DNAH12: variants seen among roughly 807,000 people sequenced by gnomAD.
DNAH12 encodes the protein axonemal beta dynein heavy chain 12.
In DNAH12, 285 loss-of-function variants were observed where a neutral mutation model predicts 371.5. The observed-to-expected ratio is 0.77, with a 90% confidence interval of 0.70 to 0.85. DNAH12 has a LOEUF of 0.85. Ranked by LOEUF, DNAH12 falls within the 40% of genes least tolerant of loss-of-function variation. The pLI, the probability that DNAH12 is intolerant of heterozygous loss-of-function variation, is 0.00. For synonymous variants in DNAH12, 1,200 were observed against 1,213.0 expected, an observed-to-expected ratio of 0.99 and a Z score of 0.22; for missense variants, 3,611 against 3,689.4, an observed-to-expected ratio of 0.98 and a Z score of 0.55.
chr3:57,383,676 CTTTAG>C (rs1247589841), intron 49 of DNAH12, among the ~76,000 whole-genome samples: 2 of 147,114 alleles, frequency 1.4e-5, no homozygotes, highest in African/African-American at 2.5e-5. Context: ...GGGGGGATTA[CTTTAG>C]CCCAAAAGTT....
intron 60 of DNAH12, among the ~76,000 whole-genome samples, chr3:57,349,477 A>G (rs542842774): frequency 1.3e-5 from 2 of 152,326 alleles, no homozygotes; most frequent in East Asian, 3.9e-4. Context: ...GGTATCCCAG[A>G]GGAAAAGAAG....
chr3:57,511,842 A>C (rs544331275), intron 4 of DNAH12, among the ~76,000 whole-genome samples: 17 of 152,302 alleles, frequency 1.1e-4, no homozygotes, highest in African/African-American at 2.9e-4. Flanking sequence ...TTTAATAACT[A>C]TTTCTGGAAC....
rs2062177005 is a variant in DNAH12, at chr3:57,334,481, C to T, written c.9962G>A (p.Cys3321Tyr). The part of the protein sequence containing the change: ...NELQKIIILR[C>Y]LRPDKITPAI... ...GTCTTTTACCTTATCAGGTCTTAAACACCGAAGAATTATTATTTTCTGTAG... is the reference window on the plus strand; with the variant it reads ...GTCTTTTACCTTATCAGGTCTTAAATACCGAAGAATTATTATTTTCTGTAG... The change falls in exon 62 of 74, where the codon TGT becomes TAT. Residue 3321 changes from cysteine (C) to tyrosine (Y), a missense_variant. Cys to Tyr is a radical substitution (Grantham distance 194). This residue lies in a region of DNAH12 where 2,266 missense variants were observed against 2,236.9 expected (regional missense o/e 1.01). Coordinates refer to ENST00000495027, the MANE Select transcript of DNAH12 (RefSeq NM_001366028.2). 1.3e-6 allele frequency: 2 copies of T among 1,548,104 alleles called. No individual in the cohort carries two copies. Among genetic ancestry groups the T allele is most frequent in the Admixed American group, 2.0e-5 (1 of 50,436 alleles).
chr3:57,322,321 A>G, intron 65 of DNAH12, 22 bp downstream of exon 65: 1 of 1,535,316 alleles, frequency 6.5e-7, no homozygotes, highest in African/African-American at 1.4e-5. Flanking sequence ...ACATTTTAAA[A>G]GTTCCAAAAG....
intron 17 of DNAH12, among the ~76,000 whole-genome samples, chr3:57,464,078 T>C (rs1173201226): frequency 1.3e-5 from 2 of 152,084 alleles, no homozygotes; most frequent in Non-Finnish European, 1.5e-5. Flanking sequence ...GTTTCTACCC[T>C]GATAAGAGCA....
At chr3:57,551,731 A>G in the DNAH12 span, among the ~76,000 whole-genome samples, 1 of 152,044 alleles carries the variant, frequency 6.6e-6, no homozygotes, top group South Asian at 2.1e-4. Context: ...TTCTAAAAAG[A>G]TATGTTTTCT....
intron 12 of DNAH12, among the ~76,000 whole-genome samples, chr3:57,484,664 A>G (rs2153384149): frequency 1.3e-5 from 2 of 152,214 alleles, no homozygotes; most frequent in South Asian, 2.1e-4. Flanking sequence ...AAAAGCAAAC[A>G]CAACAAAAAC....
In DNAH12 at chr3:57,345,941, G is replaced by T. The variant is rs537471422; in HGVS notation, c.9674+6144C>A. ...TCACAAATCTTCAGAAATTTTTCCA[G>T]TATATTTATTTTTTAAAAATCTGTG... On this transcript the variant is annotated intron_variant, in intron 60 of 73. Transcript: ENST00000495027. Among the ~76,000 whole-genome samples, 3 of 152,152 alleles carry T rather than the reference G, an allele frequency of 2.0e-5. No individual in the cohort carries two copies. In the South Asian group the frequency reaches 6.2e-4, roughly 32 times the overall value.
intron 2 of DNAH12, chr3:57,530,446 T>G (rs563193595): frequency 2.3e-5 from 16 of 693,880 alleles, no homozygotes; most frequent in Non-Finnish European, 4.2e-5. Flanking sequence ...GGCCTTGATG[T>G]GATACATGCC....
chr3:57,362,750 T>C (rs988254362), intron 58 of DNAH12, among the ~76,000 whole-genome samples: 12 of 152,358 alleles, frequency 7.9e-5, no homozygotes, highest in African/African-American at 2.9e-4. Context: ...TTAAGTTCTT[T>C]GTAGATTCTG....
rs1408424650 is a variant in DNAH12 at position 57,407,053 on chromosome 3, C to A, written c.6277-1101G>T. On this transcript the variant is annotated intron_variant, in intron 40 of 73. Transcript: ENST00000495027. ...AGCTGGGACTACAGGTGCACACCAC[C>A]ACGCCCAGCTAATTTTTGTATTTTT... Among the ~76,000 whole-genome samples, 13 of 152,028 alleles carry A rather than the reference C, an allele frequency of 8.6e-5. No homozygotes were observed. In the East Asian group the frequency reaches 2.5e-3, roughly 29 times the overall value.
At chr3:57,428,155 C>G (rs2064841133) in intron 34 of DNAH12, among the ~76,000 whole-genome samples, 1 of 152,082 alleles carries the variant, frequency 6.6e-6, no homozygotes, top group South Asian at 2.1e-4. Flanking sequence ...TCTCAAACTC[C>G]TGACTTCAAG....
At chr3:57,393,757 T>G (rs1440627606) in intron 44 of DNAH12, among the ~76,000 whole-genome samples, 6 of 152,046 alleles carry the variant, frequency 3.9e-5, no homozygotes, top group Non-Finnish European at 7.4e-5. Context: ...AACAAGACTT[T>G]CAGATGTATC....
rs1049434582 is a variant in DNAH12 at position 57,336,680 on chromosome 3, A to T, written c.9675-1740T>A. ...GTAGGTAAACATAAAAGATTTTTTT[A>T]AAAAATCATTAATATTTAAGTGTCT... On this transcript the variant is annotated intron_variant, in intron 60 of 73. Coordinates refer to ENST00000495027, the MANE Select transcript of DNAH12 (RefSeq NM_001366028.2). Among the ~76,000 whole-genome samples, 9 of 152,270 alleles carry T rather than the reference A, an allele frequency of 5.9e-5. No homozygotes were observed. In the South Asian group the frequency reaches 1.0e-3, roughly 18 times the overall value.
At chr3:57,440,245 C>T (rs552306187) in intron 29 of DNAH12, among the ~76,000 whole-genome samples, 1 of 152,196 alleles carries the variant, frequency 6.6e-6, no homozygotes, top group African/African-American at 2.4e-5. Context: ...TACCACAGCA[C>T]TATTCACAAT....
chr3:57,312,700 T>C (rs1293735822), intron 66 of DNAH12, among the ~76,000 whole-genome samples: 1 of 152,184 alleles, frequency 6.6e-6, no homozygotes, highest in Non-Finnish European at 1.5e-5. Context: ...TTTGGCAAAA[T>C]GTTCTCCAAG....
In DNAH12 at chr3:57,509,137, C is replaced by G; in HGVS notation, c.542+3G>C. 3 of 1,605,696 alleles carry G rather than the reference C, an allele frequency of 1.9e-6. No homozygotes were observed. The highest frequency in any genetic ancestry group is 2.5e-6 in the Non-Finnish European group (3 of 1,177,484). Reference sequence around the variant, plus strand: ...AGTACTGTTTTTAAAATAATTTACTCACACAGGAGATTCAGGTAAAGGACC... The same window carrying G: ...AGTACTGTTTTTAAAATAATTTACTGACACAGGAGATTCAGGTAAAGGACC... On this transcript the variant is annotated splice_donor_region_variant and intron_variant, in intron 6 of 73. Transcript: ENST00000495027.
chr3:57,298,692 A>C (rs182818818), intron 70 of DNAH12, among the ~76,000 whole-genome samples: 34 of 152,306 alleles, frequency 2.2e-4, no homozygotes, highest in Non-Finnish European at 7.4e-5. Context: ...AATCCCACTT[A>C]AATGCTACCT....
rs931723759 is a variant in DNAH12, at chr3:57,375,390, C to T, written c.8740G>A (p.Val2914Ile). 2.0e-5 allele frequency: 3 copies of T among 152,110 alleles called. No homozygotes were observed. Among genetic ancestry groups the T allele is most frequent in the African/African-American group, 4.8e-5 (2 of 41,436 alleles). The allele number at this position is 152,110 out of a possible 1,614,324, so 9.4% of individuals were successfully genotyped here. A position where few individuals can be genotyped will look rare whatever the true frequency, so the allele number is the denominator to read the frequency against. The change falls in exon 55 of 74, where the codon GTT (valine) becomes ATT (isoleucine). Residue 2914 changes from valine to isoleucine, a missense_variant. Around this residue, in one of 3 missense-constraint regions of DNAH12, gnomAD observed 2,266 missense variants for 2,236.9 expected, o/e 1.01. Transcript: ENST00000495027. ...DTFSIDNGVIVNNCRRWPLMI... is the reference protein window; with the variant it reads ...DTFSIDNGVIINNCRRWPLMI... Reference sequence around the variant, plus strand: ...TCTTACCAACGCCTACAGTTGTTAACGATCACTCCGTTATCTATGGAAAAT... The same window carrying T: ...TCTTACCAACGCCTACAGTTGTTAATGATCACTCCGTTATCTATGGAAAAT...
Sources: allele counts gnomAD v4.1 joint callset (sites outside exome capture counted in the v4.1 genomes callset), GRCh38; gene constraint gnomAD v4.1.1; regional missense constraint gnomAD v4.1.1; transcripts MANE v1.5; gene names NCBI Gene and HGNC (gene_info 2026-07-23, HGNC 2026-07-21).